Variants in ATL1 observed in about 807,000 individuals in gnomAD.
The protein encoded by ATL1 is atlastin GTPase 1.
A neutral mutation model predicts 75.5 loss-of-function variants in ATL1; 31 were observed. That is an observed-to-expected ratio of 0.41 (90% CI 0.31 to 0.55). The LOEUF (loss-of-function observed/expected upper bound fraction) is 0.55. ATL1 is among the 20% of genes least tolerant of loss of function. The pLI is 0.27. For missense variants in ATL1, 405 were observed against 662.6 expected, an observed-to-expected ratio of 0.61 and a Z score of 4.27; for synonymous variants, 226 against 233.3, an observed-to-expected ratio of 0.97 and a Z score of 0.28.
intron 8 of ATL1, among the ~76,000 whole-genome samples, chr14:50,618,891 AT>A (rs67681265): frequency 0.037 from 3,509 of 95,642 alleles, 59 homozygotes; most frequent in African/African-American, 0.091. Flanking sequence ...ATATATATAT[AT>A]TTTTTTTTCT....
upstream of ATL1, among the ~76,000 whole-genome samples, chr14:50,556,909 G>T (rs528233806): frequency 6.6e-6 from 1 of 152,222 alleles, no homozygotes; most frequent in South Asian, 2.1e-4. Flanking sequence ...TTGGCACTGG[G>T]ATTGTTTCCA....
chr14:50,560,610 G>C (rs1447648254), intron 1 of ATL1: 2 of 422,538 alleles, frequency 4.7e-6, no homozygotes, highest in African/African-American at 4.0e-5. Context: ...CCGGGGACTT[G>C]TGGGTTCCGC....
intron 2 of ATL1, among the ~76,000 whole-genome samples, 179 bp from the exon 3 acceptor site, chr14:50,590,762 G>A (rs1289505886): frequency 6.6e-6 from 1 of 152,138 alleles, no homozygotes; most frequent in Admixed American, 6.5e-5. Context: ...AAATGTGGCA[G>A]ATGGTTGCTC....
At chr14:50,554,877 A>G (rs533078408) in intron 1 of ATL1, among the ~76,000 whole-genome samples, 8 of 152,232 alleles carry the variant, frequency 5.3e-5, no homozygotes, top group Non-Finnish European at 1.0e-4. Context: ...ACATTTTTCT[A>G]TACAGTCCTG....
At chr14:50,627,896 G>A (rs2039536599) in intron 11 of ATL1, 135 bp from the exon 12 acceptor site, 2 of 802,546 alleles carry the variant, frequency 2.5e-6, no homozygotes, top group African/African-American at 1.7e-5. Flanking sequence ...GAAAGATGTG[G>A]GCTGACAAAA....
chr14:50,552,780 A>G (rs768231860), intron 1 of ATL1, among the ~76,000 whole-genome samples: 1 of 152,238 alleles, frequency 6.6e-6, no homozygotes, highest in East Asian at 1.9e-4. Flanking sequence ...ACCCTATTCA[A>G]TAAATGGTGC....
intron 1 of ATL1, among the ~76,000 whole-genome samples, chr14:50,544,734 G>C (rs1266644648): frequency 6.6e-6 from 1 of 151,994 alleles, no homozygotes; most frequent in Non-Finnish European, 1.5e-5. Context: ...GGGAGTTTGA[G>C]ACCAGCCTGG....
At chr14:50,554,497 A>T (rs1169039954) in intron 1 of ATL1, among the ~76,000 whole-genome samples, 1 of 152,188 alleles carries the variant, frequency 6.6e-6, no homozygotes, top group Non-Finnish European at 1.5e-5. Context: ...AATGGGGTGG[A>T]TTGTAGTGTG....
Position 50,613,343 on chromosome 14 carries a change from C to A in ATL1, c.715C>A (p.Arg239Ser). The A allele has an allele frequency of 6.2e-7, 1 of 1,612,120 alleles. No homozygotes were observed. Among genetic ancestry groups the A allele is most frequent in the Non-Finnish European group, 8.5e-7 (1 of 1,178,824 alleles). ...ADGGAKFLEK[R>S]LKVSGNQHEE... ...TGGTGGTGCCAAATTCTTGGAAAAACGCCTCAAGGTTTGTTAGATATTTAG... is the reference window on the plus strand; with the variant it reads ...TGGTGGTGCCAAATTCTTGGAAAAAAGCCTCAAGGTTTGTTAGATATTTAG... Residue 239 changes from arginine to serine, a missense_variant, in exon 7 of 14, where the codon CGC (arginine) becomes AGC (serine). Arg to Ser is a moderately radical substitution (Grantham distance 110). This residue lies in a region of ATL1 where 59 missense variants were observed against 161.4 expected (regional missense o/e 0.37). Coordinates refer to ENST00000358385, the MANE Select transcript of ATL1 (RefSeq NM_015915.5).
intron 11 of ATL1, among the ~76,000 whole-genome samples, chr14:50,625,204 G>A (rs1483710648): frequency 1.3e-5 from 2 of 152,184 alleles, no homozygotes; most frequent in Non-Finnish European, 2.9e-5. Flanking sequence ...ATGCCCTTAA[G>A]CCAAAGCCTA....
chr14:50,630,062 T>C (rs1414221298), intron 13 of ATL1, 53 bp downstream of exon 13: 1 of 1,368,014 alleles, frequency 7.3e-7, no homozygotes, highest in East Asian at 2.3e-5. Context: ...CATTATGATA[T>C]TATTTTATAA....
intron 1 of ATL1, among the ~76,000 whole-genome samples, chr14:50,563,910 AT>A (rs1490373614): frequency 6.6e-6 from 1 of 152,190 alleles, no homozygotes; most frequent in Non-Finnish European, 1.5e-5. Flanking sequence ...GAGATCTGAG[AT>A]TCAGAGAGCA....
At chr14:50,630,114 C>A in intron 13 of ATL1, 105 bp downstream of exon 13, 4 of 764,898 alleles carry the variant, frequency 5.2e-6, no homozygotes, top group South Asian at 4.8e-5. Context: ...TAGATTAGAA[C>A]AATCTTTGGT....
At chr14:50,607,137 A>T (rs1206665284) in intron 6 of ATL1, among the ~76,000 whole-genome samples, 2 of 152,048 alleles carry the variant, frequency 1.3e-5, no homozygotes, top group African/African-American at 4.8e-5. Flanking sequence ...GGACAAATGG[A>T]ATTTGGGAAC....
intron 6 of ATL1, among the ~76,000 whole-genome samples, chr14:50,609,844 T>C (rs1489722667): frequency 6.6e-6 from 1 of 152,012 alleles, no homozygotes; most frequent in Non-Finnish European, 1.5e-5. Flanking sequence ...GGAACACCTT[T>C]GGGGGAAAGA....
At chr14:50,541,646 A>G (rs968288257) in intron 1 of ATL1, among the ~76,000 whole-genome samples, 1 of 152,150 alleles carries the variant, frequency 6.6e-6, no homozygotes, top group Admixed American at 6.5e-5. Context: ...AGCAGACCCA[A>G]TGGTAAACAG....
chr14:50,618,881 A>G (rs893414224), intron 8 of ATL1, among the ~76,000 whole-genome samples: 71 of 134,198 alleles, frequency 5.3e-4, no homozygotes, highest in African/African-American at 2.4e-3. Context: ...GTGTGTGTAT[A>G]TATATATATA....
chr14:50,585,594 G>T (rs1307834218), intron 1 of ATL1, among the ~76,000 whole-genome samples: 1 of 152,178 alleles, frequency 6.6e-6, no homozygotes, highest in Non-Finnish European at 1.5e-5. Context: ...CATTCATTAA[G>T]CATGTACTAT....
At chr14:50,598,358 A>AT (rs1465541755) in intron 6 of ATL1, among the ~76,000 whole-genome samples, 5 of 151,560 alleles carry the variant, frequency 3.3e-5, no homozygotes, top group African/African-American at 1.2e-4. Flanking sequence ...TTTTATTTTT[A>AT]TTTTTATTTT....
Sources: gnomAD v4.1 joint callset for allele counts (sites outside exome capture counted in the v4.1 genomes callset) on GRCh38, gnomAD v4.1.1 for gene constraint, gnomAD v4.1.1 regional missense constraint, MANE v1.5 for transcripts, NCBI Gene and HGNC (gene_info 2026-07-23, HGNC 2026-07-21) for gene names.